The following INVS variants were observed in gnomAD, a reference collection of about 807,000 sequenced individuals.
INVS encodes inversion of embryo turning homolog.
A neutral mutation model predicts 108.8 loss-of-function variants in INVS; 86 were observed. That is an observed-to-expected ratio of 0.79 (90% CI 0.66 to 0.95). The LOEUF is 0.95. INVS is among the 40% of genes least tolerant of loss of function. INVS has a pLI of 0.00. For missense variants in INVS, 1,169 were observed against 1,297.4 expected, an observed-to-expected ratio of 0.90 and a Z score of 1.52; for synonymous variants, 455 against 473.5, an observed-to-expected ratio of 0.96 and a Z score of 0.51.
At chr9:100,153,118 G>A (rs1365953990) in intron 3 of INVS, among the ~76,000 whole-genome samples, 1 of 151,694 alleles carries the variant, frequency 6.6e-6, no homozygotes, top group East Asian at 1.9e-4. Flanking sequence ...AACATACCAA[G>A]AAGGTTTGCA....
At chr9:100,149,207 T>C (rs544951663) in intron 3 of INVS, among the ~76,000 whole-genome samples, 8 of 152,218 alleles carry the variant, frequency 5.3e-5, no homozygotes, top group Non-Finnish European at 1.0e-4. Context: ...ACAAGCTATG[T>C]AGCGAATGGG....
chr9:100,197,946 TTTTCTGAGGCCTG>T (rs1479704864), intron 3 of INVS, among the ~76,000 whole-genome samples: 9 of 152,164 alleles, frequency 5.9e-5, no homozygotes, highest in Admixed American at 5.2e-4. Flanking sequence ...AGAGAGATTG[TTTTCTGAGGCCTG>T]TTTCTGAGGC....
In INVS at chr9:100,226,071, C is replaced by T. The variant is rs1189239222; in HGVS notation, c.283C>T (p.Arg95Cys). The change falls in exon 4 of 17, where the codon CGT becomes TGT. Residue 95 changes from arginine (R) to cysteine (C), a missense_variant. Arg to Cys is a radical substitution (Grantham distance 180). Coordinates refer to ENST00000262457, the MANE Select transcript of INVS (RefSeq NM_014425.5). ...CTTGTTTTTTATTTAGGGAAATTAT[C>T]GTTTCATGAAACTCTTACTTACACG... ...LHLAAQKGNY[R>C]FMKLLLTRRA... 4.3e-6 allele frequency: 7 copies of T among 1,610,918 alleles called. No individual in the cohort carries two copies. Among genetic ancestry groups the T allele is most frequent in the Non-Finnish European group, 5.9e-6 (7 of 1,178,342 alleles).
chr9:100,259,703 C>G (rs1045865535), intron 10 of INVS, among the ~76,000 whole-genome samples: 1 of 151,790 alleles, frequency 6.6e-6, no homozygotes, highest in Non-Finnish European at 1.5e-5. Flanking sequence ...GCATCCACCA[C>G]CATGCCTGGC....
intron 3 of INVS, among the ~76,000 whole-genome samples, chr9:100,163,664 T>G (rs1829264804): frequency 6.6e-6 from 1 of 151,952 alleles, no homozygotes; most frequent in Non-Finnish European, 1.5e-5. Context: ...ATAAATAGGG[T>G]GATCAGGGTA....
chr9:100,251,353 G>A (rs1015830768), intron 8 of INVS, among the ~76,000 whole-genome samples: 4 of 152,204 alleles, frequency 2.6e-5, no homozygotes, highest in South Asian at 2.1e-4. Flanking sequence ...ATAATACTTA[G>A]AACTGGCCAA....
chr9:100,150,056 G>A (rs1465090751), intron 3 of INVS, among the ~76,000 whole-genome samples: 1 of 152,098 alleles, frequency 6.6e-6, no homozygotes, highest in East Asian at 1.9e-4. Context: ...GTAATTCCCA[G>A]ATCCAGTTTT....
chr9:100,275,357 T>A (rs1346576884), intron 12 of INVS, among the ~76,000 whole-genome samples: 1 of 152,224 alleles, frequency 6.6e-6, no homozygotes, highest in Non-Finnish European at 1.5e-5. Context: ...ATTTTCAAAA[T>A]TTGTAGTCAT....
chr9:100,154,518 A>G (rs1458631323), intron 3 of INVS, among the ~76,000 whole-genome samples: 1 of 151,646 alleles, frequency 6.6e-6, no homozygotes, highest in Non-Finnish European at 1.5e-5. Flanking sequence ...AAAAGAGTAT[A>G]TTCACACAAT....
intron 3 of INVS, among the ~76,000 whole-genome samples, chr9:100,136,161 T>A (rs956613736): frequency 3.9e-5 from 6 of 152,152 alleles, no homozygotes; most frequent in Admixed American, 1.3e-4. Flanking sequence ...TGGTATTTAG[T>A]GGACACACAA....
intron 3 of INVS, among the ~76,000 whole-genome samples, chr9:100,197,930 T>TC (rs534664325): frequency 7.6e-4 from 116 of 152,198 alleles, no homozygotes; most frequent in African/African-American, 2.5e-3. Flanking sequence ...AAGCAGAAGG[T>TC]CAGAGAGAGA....
At chr9:100,244,126 C>T (rs1054400887) in intron 7 of INVS, among the ~76,000 whole-genome samples, 2 of 152,220 alleles carry the variant, frequency 1.3e-5, no homozygotes, top group East Asian at 1.9e-4. Context: ...TATCTTCACA[C>T]ACTTCCTACT....
At chr9:100,300,496 AC>A in intron 16 of INVS, 71 bp from the exon 17 acceptor site, 1 of 1,053,996 alleles carries the variant, frequency 9.5e-7, no homozygotes, top group Non-Finnish European at 1.5e-6. Context: ...TTCTTCCTCA[AC>A]ACCAATGAAC....
At chr9:100,222,458 C>T (rs373902109) in intron 3 of INVS, among the ~76,000 whole-genome samples, 6 of 152,116 alleles carry the variant, frequency 3.9e-5, no homozygotes, top group African/African-American at 1.2e-4. Context: ...AAACAAAGTA[C>T]GAGCATTGTA....
chr9:100,203,064 A>G (rs1588085798), intron 3 of INVS, among the ~76,000 whole-genome samples: 2 of 152,362 alleles, frequency 1.3e-5, no homozygotes, highest in East Asian at 3.9e-4. Flanking sequence ...ATATTTCACC[A>G]TAGCTCTCAG....
intron 3 of INVS, among the ~76,000 whole-genome samples, chr9:100,128,103 C>T (rs1301650833): frequency 6.6e-6 from 1 of 152,094 alleles, no homozygotes; most frequent in African/African-American, 2.4e-5. Context: ...GATGATCCAA[C>T]AGTATAACAT....
intron 3 of INVS, among the ~76,000 whole-genome samples, chr9:100,154,608 G>A (rs941152127): frequency 6.6e-6 from 1 of 151,984 alleles, no homozygotes; most frequent in Non-Finnish European, 1.5e-5. Flanking sequence ...AAAAAAGCAA[G>A]CGCAGAATAT....
At chr9:100,212,066 C>T (rs1412918935) in intron 3 of INVS, among the ~76,000 whole-genome samples, 1 of 152,136 alleles carries the variant, frequency 6.6e-6, no homozygotes, top group East Asian at 1.9e-4. Context: ...ATTTCTGTAG[C>T]TCAGTGAATT....
intron 12 of INVS, among the ~76,000 whole-genome samples, chr9:100,278,831 A>G (rs1833190669): frequency 6.6e-6 from 1 of 152,246 alleles, no homozygotes; most frequent in South Asian, 2.1e-4. Context: ...TGACACTTAC[A>G]TATTCATTTT....
Sources: allele counts gnomAD v4.1 joint callset (sites outside exome capture counted in the v4.1 genomes callset), GRCh38; gene constraint gnomAD v4.1.1; transcripts MANE v1.5; gene names NCBI Gene and HGNC (gene_info 2026-07-23, HGNC 2026-07-21).